The following COL23A1 variants were observed in gnomAD, a reference collection of about 807,000 sequenced individuals.
The protein encoded by COL23A1 is collagen type XXIII alpha 1 chain.
A neutral mutation model predicts 99.3 loss-of-function variants in COL23A1; 97 were observed. The ratio of observed to expected loss-of-function variants is 0.98; its 90% CI spans 0.83 to 1.16. COL23A1 has a LOEUF of 1.16. Among genes scored for constraint, COL23A1 ranks in the 50% most tolerant of loss-of-function variants. The pLI, the probability that COL23A1 is intolerant of heterozygous loss-of-function variation, is 0.00. For synonymous variants in COL23A1, 320 were observed against 308.2 expected, an observed-to-expected ratio of 1.04 and a Z score of -0.40; for missense variants, 762 against 757.4, an observed-to-expected ratio of 1.01 and a Z score of -0.07.
chr5:178,547,478 CACACA>C (rs1761655501), intron 2 of COL23A1, among the ~76,000 whole-genome samples: 4 of 140,472 alleles, frequency 2.8e-5, no homozygotes, highest in African/African-American at 1.1e-4. Flanking sequence ...CCCACACACC[CACACA>C]CACACCCACA....
intron 2 of COL23A1, among the ~76,000 whole-genome samples, chr5:178,419,461 G>C (rs1403606249): frequency 6.6e-6 from 1 of 152,184 alleles, no homozygotes; most frequent in East Asian, 1.9e-4. Context: ...TCGGCACCAC[G>C]ACCTGAATTA....
chr5:178,504,521 T>C (rs1457906672), intron 2 of COL23A1, among the ~76,000 whole-genome samples: 2 of 151,928 alleles, frequency 1.3e-5, no homozygotes, highest in Non-Finnish European at 2.9e-5. Flanking sequence ...AGAGCAAGGT[T>C]TGAGGTGTGG....
chr5:178,527,854 C>G (rs1760402096), intron 2 of COL23A1, among the ~76,000 whole-genome samples: 1 of 152,250 alleles, frequency 6.6e-6, no homozygotes, highest in African/African-American at 2.4e-5. Flanking sequence ...TCCTCAGATA[C>G]AGCCCGAAAT....
intron 6 of COL23A1, among the ~76,000 whole-genome samples, chr5:178,269,708 C>T (rs1756172373): frequency 6.9e-6 from 1 of 145,030 alleles, no homozygotes; most frequent in African/African-American, 2.6e-5. Flanking sequence ...CATTCCCCCA[C>T]CAATCCATCC....
At chr5:178,349,201 T>C (rs887699861) in intron 2 of COL23A1, among the ~76,000 whole-genome samples, 1 of 151,590 alleles carries the variant, frequency 6.6e-6, no homozygotes, top group Non-Finnish European at 1.5e-5. Context: ...TGGATTTTTT[T>C]CCCCCCAAGG....
Position 178,376,361 on chromosome 5 carries a change from T to A in COL23A1, c.362-69442A>T, listed in dbSNP as rs78860343. ...TCACATCTCTGAGAAGTAGGTATTA[T>A]CATTTCCGTTTCTCAGGTGGGACAT... On this transcript the variant is annotated intron_variant, in intron 2 of 28. Transcript: ENST00000390654. Among the ~76,000 whole-genome samples the A allele has an allele frequency of 9.2e-3, 1,397 of 152,356 alleles. 24 individuals carry two copies. The highest frequency in any genetic ancestry group is 0.032 in the African/African-American group (1,329 of 41,578).
At chr5:178,267,170 G>T in intron 8 of COL23A1, 137 bp downstream of exon 8, 1 of 924,798 alleles carries the variant, frequency 1.1e-6, no homozygotes, top group Non-Finnish European at 1.7e-6. Flanking sequence ...CCGGTGCTAT[G>T]GGTGGGGAAG....
intron 2 of COL23A1, among the ~76,000 whole-genome samples, chr5:178,401,361 T>C (rs1449039429): frequency 1.3e-5 from 2 of 152,244 alleles, no homozygotes; most frequent in Non-Finnish European, 2.9e-5. Context: ...ATCATCCCTG[T>C]AGTTCTGCCT....
At chr5:178,453,709 G>A (rs552584283) in intron 2 of COL23A1, among the ~76,000 whole-genome samples, 2 of 152,286 alleles carry the variant, frequency 1.3e-5, no homozygotes, top group East Asian at 3.9e-4. Flanking sequence ...GCAAAGATGA[G>A]GATGCTCTTC....
rs903605663 is a variant in COL23A1, at chr5:178,552,227, T to A, written c.361+8455A>T. On this transcript the variant is annotated intron_variant, in intron 2 of 28. Transcript: ENST00000390654. ...CCTGCCTTCCTCTAACAACTGGGTC[T>A]GCAATTGCCTCTAAGAATCTTAGTC... 5.7e-4 allele frequency among the ~76,000 whole-genome samples: 86 copies of A among 152,208 alleles called. 1 individual carries two copies. Among genetic ancestry groups the A allele is most frequent in the African/African-American group, 2.1e-3 (85 of 41,448 alleles).
At position 178,313,313 on chromosome 5, in the gene COL23A1, T is replaced by C. The variant is rs1392522981; in HGVS notation, c.362-6394A>G. 6.6e-6 allele frequency among the ~76,000 whole-genome samples: 1 copy of C among 152,204 alleles called. No homozygotes were observed. The highest frequency in any genetic ancestry group is 1.5e-5 in the Non-Finnish European group (1 of 68,032). On this transcript the variant is annotated intron_variant, in intron 2 of 28. Coordinates refer to ENST00000390654, the MANE Select transcript of COL23A1 (RefSeq NM_173465.4). This position sits in a 1 kb window ranked among gnomAD's most constrained non-coding sequence, Gnocchi z 4.2. ...ACAATGTGAACATACTGAATGCCACTCAAGTGTACACTTAAGGATGGTTAA... is the reference window on the plus strand; with the variant it reads ...ACAATGTGAACATACTGAATGCCACCCAAGTGTACACTTAAGGATGGTTAA...
intron 2 of COL23A1, among the ~76,000 whole-genome samples, chr5:178,460,261 C>T (rs1004022842): frequency 1.3e-5 from 2 of 152,026 alleles, no homozygotes; most frequent in African/African-American, 2.4e-5. Flanking sequence ...AAGCACCTTC[C>T]CCAGGCACAG....
chr5:178,399,985 C>T (rs1441090725), intron 2 of COL23A1, among the ~76,000 whole-genome samples: 2 of 152,106 alleles, frequency 1.3e-5, no homozygotes, highest in East Asian at 3.9e-4. Flanking sequence ...TGGAGTTGAT[C>T]GATATTTGTT....
At chr5:178,586,109 C>T (rs7707825) in intron 1 of COL23A1, among the ~76,000 whole-genome samples, 15,164 of 152,210 alleles carry the variant, frequency 0.1, 1,097 homozygotes, top group East Asian at 0.35. Flanking sequence ...GACAAGAGAA[C>T]GGCAGAGACT....
At chr5:178,531,082 G>T (rs968043284) in intron 2 of COL23A1, among the ~76,000 whole-genome samples, 5 of 152,122 alleles carry the variant, frequency 3.3e-5, no homozygotes, top group African/African-American at 1.2e-4. Context: ...GGTCAGGCTG[G>T]TCTCAAATTC....
At chr5:178,507,952 C>T (rs1758970000) in intron 2 of COL23A1, among the ~76,000 whole-genome samples, 1 of 152,170 alleles carries the variant, frequency 6.6e-6, no homozygotes, top group Non-Finnish European at 1.5e-5. Flanking sequence ...TCTGATGACA[C>T]AAATGTTAGA....
At chr5:178,378,603 T>C (rs890213983) in intron 2 of COL23A1, among the ~76,000 whole-genome samples, 17 of 152,092 alleles carry the variant, frequency 1.1e-4, no homozygotes, top group African/African-American at 3.1e-4. Flanking sequence ...ATGGGAGAAG[T>C]TCCCCCGCAG....
At chr5:178,304,809 C>T (rs1758263868) in intron 3 of COL23A1, among the ~76,000 whole-genome samples, 1 of 152,288 alleles carries the variant, frequency 6.6e-6, no homozygotes. Context: ...CCCCTTGGAG[C>T]CTCAGTTTCC....
intron 2 of COL23A1, among the ~76,000 whole-genome samples, chr5:178,397,682 ATGT>A (rs1278405762): frequency 2.0e-5 from 3 of 152,234 alleles, no homozygotes; most frequent in African/African-American, 2.4e-5. Flanking sequence ...GAAGCCACAG[ATGT>A]TGTAAAAAGT....
Sources: gnomAD v4.1 joint callset for allele counts (sites outside exome capture counted in the v4.1 genomes callset) on GRCh38, gnomAD v4.1.1 for gene constraint, Gnocchi (gnomAD v3.1) non-coding constraint, MANE v1.5 for transcripts, NCBI Gene and HGNC (gene_info 2026-07-23, HGNC 2026-07-21) for gene names.